TPO: variants seen among roughly 807,000 people sequenced by gnomAD.
TPO encodes the protein thyroid microsomal antigen.
In TPO, 78 loss-of-function variants were observed where a neutral mutation model predicts 96.9. The ratio of observed to expected loss-of-function variants is 0.81; its 90% CI spans 0.67 to 0.97. The LOEUF is 0.97. Ranked by LOEUF, TPO falls within the 50% of genes least tolerant of loss-of-function variation. The probability of loss-of-function intolerance (pLI) is 0.00; values close to 1 mark genes in which losing one functional copy is unlikely to be tolerated. For missense variants in TPO, 1,252 were observed against 1,274.8 expected, an observed-to-expected ratio of 0.98 and a Z score of 0.27; for synonymous variants, 547 against 538.0, an observed-to-expected ratio of 1.02 and a Z score of -0.23.
In TPO at chr2:1,493,845, G is replaced by A; in HGVS notation, c.1812G>A (p.Glu604=). ...AGTTCTGCGGCCTGCCTCGCCTGGA[G>A]ACCCCCGCTGACCTGAGCACAGCCA... ...WREFCGLPRL[E]TPADLSTAIA... The change falls in exon 11 of 17, where the codon GAG becomes GAA. Residue 604 remains glutamate, a synonymous_variant. Transcript: ENST00000329066. 6.2e-7 allele frequency: 1 copy of A among 1,614,124 alleles called. No individual in the cohort carries two copies. Among genetic ancestry groups the A allele is most frequent in the South Asian group, 1.1e-5 (1 of 91,078 alleles).
chr2:1,517,441 C>G (rs928571475), intron 15 of TPO, among the ~76,000 whole-genome samples: 2 of 152,180 alleles, frequency 1.3e-5, no homozygotes, highest in African/African-American at 4.8e-5. Context: ...GACTCAGACC[C>G]GCACCTGAGA....
intron 11 of TPO, among the ~76,000 whole-genome samples, chr2:1,494,647 G>GC (rs1282656091): frequency 5.9e-5 from 9 of 152,180 alleles, no homozygotes; most frequent in South Asian, 2.1e-4. Flanking sequence ...CTGAGTGCAT[G>GC]CCCCCCGTAG....
At chr2:1,451,916 T>C (rs992917354) in intron 5 of TPO, among the ~76,000 whole-genome samples, 6 of 152,248 alleles carry the variant, frequency 3.9e-5, no homozygotes, top group African/African-American at 1.2e-4. Context: ...TAGAATATTT[T>C]ATACTTGAGA....
intron 5 of TPO, among the ~76,000 whole-genome samples, chr2:1,448,370 C>T (rs947027825): frequency 2.0e-5 from 3 of 152,222 alleles, no homozygotes; most frequent in African/African-American, 4.8e-5. Flanking sequence ...GAGCCTCTGC[C>T]GAGCCCTCCC....
Position 1,500,219 on chromosome 2 carries a change from G to A in TPO, c.2386+3454G>A, listed in dbSNP as rs79947360. Among the ~76,000 whole-genome samples, 625 of 152,362 alleles carry A rather than the reference G, an allele frequency of 4.1e-3. 4 individuals carry two copies. The highest frequency in any genetic ancestry group is 0.015 in the African/African-American group (608 of 41,582). ...GAGGGGAGCGCTAGGCTCTGCTCCA[G>A]AACCTGTTAATACTGGAGACCTCGG... On this transcript the variant is annotated intron_variant, in intron 13 of 16. Coordinates refer to ENST00000329066, the MANE Select transcript of TPO (RefSeq NM_001206744.2).
At chr2:1,527,570 C>CTG (rs1249516140) in intron 15 of TPO, among the ~76,000 whole-genome samples, 6 of 149,822 alleles carry the variant, frequency 4.0e-5, no homozygotes, top group Admixed American at 6.6e-5. Flanking sequence ...CAAATACCAA[C>CTG]TGTGTGCAAC....
intron 5 of TPO, among the ~76,000 whole-genome samples, chr2:1,443,755 G>A (rs35290486): frequency 1.7e-4 from 16 of 94,760 alleles, no homozygotes; most frequent in African/African-American, 8.3e-5. Flanking sequence ...GCACCATGTT[G>A]GAAGGGAATG....
chr2:1,516,874 G>A lies in TPO; in HGVS notation c.2519-9G>A. 1 of 1,613,688 alleles carries A rather than the reference G, an allele frequency of 6.2e-7. No homozygotes were observed. The highest frequency in any genetic ancestry group is 1.7e-5 in the Admixed American group (1 of 60,020). On this transcript the variant is annotated splice_polypyrimidine_tract_variant and intron_variant, in intron 14 of 16. Transcript: ENST00000329066. ...GGTTCTTCTAACCAGGCCTCTTTCT[G>A]TGCCCCAGACTCCGGGAGGCTCCCT... is the stretch of plus-strand genomic sequence containing the variant.
rs184976024 is a variant in TPO at position 1,509,251 on chromosome 2, C to T, written c.2518+5172C>T. Among the ~76,000 whole-genome samples, 21 of 152,280 alleles carry T rather than the reference C, an allele frequency of 1.4e-4. 1 individual carries two copies. The highest frequency in any genetic ancestry group is 2.1e-4 in the South Asian group (1 of 4,828). On this transcript the variant is annotated intron_variant, in intron 14 of 16. Transcript: ENST00000329066. ...TTTGATTGCACTGTGGTCGGAGAGA[C>T]GGTTTGTTATTTCTGTTCTTTTACA...
rs752619416 is a variant in TPO at position 1,456,167 on chromosome 2, A to G, written c.704A>G (p.Gln235Arg). ...RYSDLLMAWG[Q>R]YIDHDIAFTP... ...TCTGACCTCCTGATGGCATGGGGAC[A>G]ATACATCGACCACGACATCGCGTTC... is the stretch of plus-strand genomic sequence containing the variant. Residue 235 changes from glutamine to arginine, a missense_variant, in exon 7 of 17, where the codon CAA (glutamine) becomes CGA (arginine). Coordinates refer to ENST00000329066, the MANE Select transcript of TPO (RefSeq NM_001206744.2). 1.9e-5 allele frequency: 30 copies of G among 1,614,026 alleles called. No homozygotes were observed. Among genetic ancestry groups the G allele is most frequent in the Non-Finnish European group, 2.5e-5 (29 of 1,180,056 alleles).
intron 5 of TPO, among the ~76,000 whole-genome samples, chr2:1,451,501 C>T (rs752875595): frequency 6.6e-6 from 1 of 152,166 alleles, no homozygotes; most frequent in South Asian, 2.1e-4. Context: ...GTGTACATAT[C>T]AGATACATGG....
At chr2:1,485,993 G>A (rs1360626777) in intron 9 of TPO, among the ~76,000 whole-genome samples, 1 of 152,102 alleles carries the variant, frequency 6.6e-6, no homozygotes, top group Non-Finnish European at 1.5e-5. Flanking sequence ...TGTCCTGAAT[G>A]GTATTGCCTA....
chr2:1,503,019 C>T lies in TPO; in HGVS notation c.2387-929C>T, dbSNP rs572210970. Among the ~76,000 whole-genome samples, 10 of 152,326 alleles carry T rather than the reference C, an allele frequency of 6.6e-5. No individual in the cohort carries two copies. The East Asian group carries it at 1.7e-3, about 27-fold the overall frequency. ...GGGTCGCCTGAGCACTGCCCAGGTT[C>T]GCACATTCTCATCGTCCTGGGGTGG... On this transcript the variant is annotated intron_variant, in intron 13 of 16. Coordinates refer to ENST00000329066, the MANE Select transcript of TPO (RefSeq NM_001206744.2).
intron 1 of TPO, among the ~76,000 whole-genome samples, chr2:1,398,618 G>A (rs766226468): frequency 3.3e-5 from 5 of 152,206 alleles, no homozygotes; most frequent in Admixed American, 6.5e-5. Flanking sequence ...GGCAGGGAGG[G>A]TCTGGACAAA....
chr2:1,541,104 T>C (rs1680714210), intron 16 of TPO: 2 of 1,197,946 alleles, frequency 1.7e-6, no homozygotes, highest in Admixed American at 3.6e-5. Context: ...TGTGGAAAAA[T>C]GTGTATGTTT....
intron 5 of TPO, among the ~76,000 whole-genome samples, chr2:1,446,111 C>T (rs1350979549): frequency 6.6e-6 from 1 of 152,122 alleles, no homozygotes; most frequent in Non-Finnish European, 1.5e-5. Flanking sequence ...GCCTGCACCC[C>T]CAGATGAGAA....
At chr2:1,457,339 C>T (rs29001651) in intron 7 of TPO, among the ~76,000 whole-genome samples, 44 of 82,784 alleles carry the variant, frequency 5.3e-4, no homozygotes, top group South Asian at 9.3e-4. Context: ...ATATAGCATG[C>T]ATGATAGTGT....
chr2:1,430,790 G>T (rs1405390784), intron 3 of TPO, among the ~76,000 whole-genome samples: 2 of 151,472 alleles, frequency 1.3e-5, no homozygotes, highest in African/African-American at 4.9e-5. Context: ...GTAGACTGGT[G>T]TGGGGCCTAT....
chr2:1,530,656 C>A (rs1301048604), intron 15 of TPO, among the ~76,000 whole-genome samples: 1 of 103,638 alleles, frequency 9.6e-6, no homozygotes. Flanking sequence ...TCCCCAAATC[C>A]CCCACACTGT....
Sources: gnomAD v4.1 joint callset for allele counts (sites outside exome capture counted in the v4.1 genomes callset) on GRCh38, gnomAD v4.1.1 for gene constraint, MANE v1.5 for transcripts, NCBI Gene and HGNC (gene_info 2026-07-23, HGNC 2026-07-21) for gene names.